The following POLN variants were observed in gnomAD, a reference collection of about 807,000 sequenced individuals.
POLN encodes the protein DNA polymerase nu, also known as DNA polymerase N.
A neutral mutation model predicts 113.5 loss-of-function variants in POLN; 108 were observed. The ratio of observed to expected loss-of-function variants is 0.95; its 90% CI spans 0.81 to 1.12. The LOEUF (loss-of-function observed/expected upper bound fraction) is 1.12. Among genes scored for constraint, POLN ranks in the 50% most tolerant of loss-of-function variants. POLN has a pLI of 0.00. For synonymous variants in POLN, 386 were observed against 391.5 expected (o/e 0.99, Z 0.17); for missense variants, 1,097 against 1,077.1 (o/e 1.02, Z -0.26).
intron 19 of POLN, among the ~76,000 whole-genome samples, chr4:2,104,557 T>C (rs1460879579): frequency 6.6e-6 from 1 of 152,192 alleles, no homozygotes; most frequent in African/African-American, 2.4e-5. Flanking sequence ...GGAAGATCAG[T>C]CTTTGAGCTT....
intron 23 of POLN, 75 bp downstream of exon 23, chr4:2,080,883 C>T: frequency 6.2e-7 from 1 of 1,608,382 alleles, no homozygotes; most frequent in Non-Finnish European, 8.5e-7. Flanking sequence ...TCATCAGAAT[C>T]ACGAGCCCCG....
chr4:2,146,458 T>C (rs972688467), intron 16 of POLN, among the ~76,000 whole-genome samples: 6 of 152,312 alleles, frequency 3.9e-5, no homozygotes, highest in Middle Eastern at 6.8e-3. Flanking sequence ...TGAGCCAAGA[T>C]TGCGCCATTG....
rs1281880728 is a variant in POLN, at chr4:2,189,636, C to A, written c.1021+3568G>T. Reference sequence around the variant, plus strand: ...CCTGGGCGACAGAGAGAGACTCCATCTCAAACAAAAAAAAAAGAAAAAAAA... The same window carrying A: ...CCTGGGCGACAGAGAGAGACTCCATATCAAACAAAAAAAAAAGAAAAAAAA... On this transcript the variant is annotated intron_variant, in intron 7 of 25. Transcript: ENST00000511885. Among the ~76,000 whole-genome samples the A allele has an allele frequency of 1.6e-4, 18 of 111,096 alleles. 2 individuals carry two copies. Among genetic ancestry groups the A allele is most frequent in the Non-Finnish European group, 1.6e-5 (1 of 60,674 alleles). The allele number at this position is 111,096 out of a possible 152,430, so 72.9% of individuals were successfully genotyped here.
chr4:2,228,925 G>C (rs1734477966), intron 3 of POLN, 174 bp downstream of exon 3: 3 of 519,752 alleles, frequency 5.8e-6, no homozygotes, highest in Non-Finnish European at 1.0e-5. Context: ...AAGCAATGAA[G>C]GTTAAGGGAA....
chr4:2,108,279 C>T (rs1731116163), intron 19 of POLN, among the ~76,000 whole-genome samples: 1 of 152,192 alleles, frequency 6.6e-6, no homozygotes, highest in Non-Finnish European at 1.5e-5. Context: ...GCCGCTTGCT[C>T]TTGCTGGACA....
At chr4:2,149,127 CTACAAAAAA>C (rs899814507) in intron 16 of POLN, among the ~76,000 whole-genome samples, 3 of 152,048 alleles carry the variant, frequency 2.0e-5, no homozygotes, top group Middle Eastern at 3.4e-3. Flanking sequence ...AACCCCATCT[CTACAAAAAA>C]TACAAAAATT....
intron 19 of POLN, among the ~76,000 whole-genome samples, chr4:2,124,918 GA>G (rs2108721772): frequency 6.6e-6 from 1 of 152,306 alleles, no homozygotes; most frequent in African/African-American, 2.4e-5. Context: ...TTTGTTTTAA[GA>G]AGCAAGAAAG....
chr4:2,160,687 G>A (rs1732558877), intron 13 of POLN, among the ~76,000 whole-genome samples: 1 of 152,146 alleles, frequency 6.6e-6, no homozygotes, highest in South Asian at 2.1e-4. Context: ...GGTATTACAA[G>A]CATGAGCCAC....
chr4:2,151,469 C>T (rs181137451), intron 16 of POLN, among the ~76,000 whole-genome samples: 2 of 152,038 alleles, frequency 1.3e-5, no homozygotes, highest in East Asian at 3.9e-4. Flanking sequence ...GGTATTTAAC[C>T]AAGAGAAAAA....
chr4:2,081,571 T>C (rs1730420576), intron 22 of POLN, 62 bp downstream of exon 22: 1 of 1,520,158 alleles, frequency 6.6e-7, no homozygotes, highest in Non-Finnish European at 9.1e-7. Context: ...CACCCAGCCC[T>C]GCGGCTGCTA....
At chr4:2,104,051 T>C (rs1457830114) in intron 19 of POLN, among the ~76,000 whole-genome samples, 2 of 152,258 alleles carry the variant, frequency 1.3e-5, no homozygotes, top group Non-Finnish European at 2.9e-5. Context: ...GGTAAAGCAA[T>C]CACACAAAGG....
chr4:2,225,888 C>A (rs1233352666), intron 3 of POLN, among the ~76,000 whole-genome samples: 2 of 151,918 alleles, frequency 1.3e-5, no homozygotes, highest in Non-Finnish European at 2.9e-5. Context: ...GTAGTCCCAG[C>A]TACTCAGGAG....
At chr4:2,146,669 CA>C (rs1471206234) in intron 16 of POLN, among the ~76,000 whole-genome samples, 1 of 152,122 alleles carries the variant, frequency 6.6e-6, no homozygotes, top group African/African-American at 2.4e-5. Context: ...GGGGGCTGAA[CA>C]AGGCTTTTGA....
chr4:2,129,056 CAAAAAAAAAAAA>C (rs542873881), intron 18 of POLN, 111 bp downstream of exon 18: 3 of 288,374 alleles, frequency 1.0e-5, no homozygotes, highest in Non-Finnish European at 1.7e-5. Flanking sequence ...ACTCTTGTCT[CAAAAAAAAAAAA>C]AAAAAAAAGA....
intron 16 of POLN, among the ~76,000 whole-genome samples, chr4:2,137,693 C>T (rs773686831): frequency 2.0e-5 from 3 of 152,154 alleles, no homozygotes; most frequent in African/African-American, 4.8e-5. Context: ...ACTGCTTTCC[C>T]GAGGCTGGCA....
rs1290653036 is a variant in POLN at position 2,159,147 on chromosome 4, T to G, written c.1611+8A>C. On this transcript the variant is annotated splice_region_variant and intron_variant, in intron 14 of 25. Coordinates refer to ENST00000511885, the MANE Select transcript of POLN (RefSeq NM_181808.4). ...TTTTACCTTTTACGTACAAAAAAATTAACTTACCTGCCTGTATTCCAAAAT... is the reference window on the plus strand; with the variant it reads ...TTTTACCTTTTACGTACAAAAAAATGAACTTACCTGCCTGTATTCCAAAAT... The G allele has an allele frequency of 1.3e-6, 2 of 1,595,446 alleles. No individual in the cohort carries two copies. The highest frequency in any genetic ancestry group is 1.7e-6 in the Non-Finnish European group (2 of 1,163,600).
chr4:2,210,518 C>T (rs1363308972), intron 4 of POLN, among the ~76,000 whole-genome samples: 1 of 150,878 alleles, frequency 6.6e-6, no homozygotes, highest in African/African-American at 2.4e-5. Context: ...GAGGTCAAGG[C>T]TACAGTGAGC....
At chr4:2,220,726 C>G (rs1734233470) in intron 3 of POLN, among the ~76,000 whole-genome samples, 1 of 152,226 alleles carries the variant, frequency 6.6e-6, no homozygotes, top group African/African-American at 2.4e-5. Flanking sequence ...GTTCAAATTA[C>G]TCTACGGTTT....
chr4:2,140,051 G>C (rs1037452641), intron 16 of POLN: 3 of 150,706 alleles, frequency 2.0e-5, no homozygotes, highest in Non-Finnish European at 1.5e-5. Flanking sequence ...TTCACCTTTT[G>C]TTGGGTACAT....
Sources: gnomAD v4.1 joint callset for allele counts (sites outside exome capture counted in the v4.1 genomes callset) on GRCh38, gnomAD v4.1.1 for gene constraint, MANE v1.5 for transcripts, NCBI Gene and HGNC (gene_info 2026-07-23, HGNC 2026-07-21) for gene names.